Variants in PI4KA observed in about 807,000 individuals in gnomAD.
The protein encoded by PI4KA is phosphatidylinositol 4-kinase alpha.
PI4KA carries 122 observed loss-of-function variants against 271.4 expected under a neutral mutation model. The ratio of observed to expected loss-of-function variants is 0.45; its 90% CI spans 0.39 to 0.52. The LOEUF is 0.52. Among genes scored for constraint, PI4KA ranks in the 20% least tolerant of loss-of-function variants. The pLI, the probability that PI4KA is intolerant of heterozygous loss-of-function variation, is 0.00. For missense variants in PI4KA, 1,969 were observed against 2,769.1 expected (o/e 0.71, Z 6.48); for synonymous variants, 1,041 against 1,078.8 (o/e 0.96, Z 0.69).
chr22:20,825,412 T>G (rs747703793), intron 3 of PI4KA, among the ~76,000 whole-genome samples: 1 of 152,030 alleles, frequency 6.6e-6, no homozygotes, highest in Non-Finnish European at 1.5e-5. Flanking sequence ...CCAGCCAACA[T>G]GGCAAAATAC....
chr22:20,733,655 T>C (rs1481068075), intron 35 of PI4KA, 81 bp downstream of exon 35: 5 of 1,610,654 alleles, frequency 3.1e-6, no homozygotes, highest in Admixed American at 1.7e-5. Context: ...TGTGAGTGAC[T>C]TCCTGGGGGT....
chr22:20,840,116 A>G (rs1925369114), intron 1 of PI4KA, among the ~76,000 whole-genome samples: 1 of 152,224 alleles, frequency 6.6e-6, no homozygotes, highest in Admixed American at 6.5e-5. Context: ...CTGGCAGATG[A>G]AACTAATGTG....
At chr22:20,797,450 G>T (rs557613371) in intron 17 of PI4KA, among the ~76,000 whole-genome samples, 15 of 152,264 alleles carry the variant, frequency 9.9e-5, no homozygotes, top group African/African-American at 3.6e-4. Context: ...TAGGCGCAAG[G>T]AAGCAATGTG....
intron 27 of PI4KA, 72 bp from the exon 28 acceptor site, chr22:20,750,066 G>T: frequency 1.0e-6 from 1 of 972,440 alleles, no homozygotes; most frequent in South Asian, 1.3e-5. Flanking sequence ...GACTGTCATG[G>T]GCTGAACTAT....
intron 19 of PI4KA, among the ~76,000 whole-genome samples, chr22:20,783,775 G>A (rs556461286): frequency 2.6e-5 from 4 of 152,264 alleles, no homozygotes; most frequent in South Asian, 2.1e-4. Context: ...ATTCCAGTCC[G>A]GGTAACCTCT....
chr22:20,821,457 T>C (rs1922648789), intron 4 of PI4KA, among the ~76,000 whole-genome samples: 1 of 152,044 alleles, frequency 6.6e-6, no homozygotes, highest in African/African-American at 2.4e-5. Flanking sequence ...TGACCTCAGG[T>C]GATCCACCTG....
intron 19 of PI4KA, among the ~76,000 whole-genome samples, chr22:20,777,382 AT>A (rs1933388904): frequency 6.6e-6 from 1 of 151,800 alleles, no homozygotes; most frequent in African/African-American, 2.4e-5. Flanking sequence ...ACGCCGGCTA[AT>A]TTTTTTGTAT....
chr22:20,854,500 CTAGAG>C (rs998516178), intron 1 of PI4KA, among the ~76,000 whole-genome samples: 2 of 151,932 alleles, frequency 1.3e-5, no homozygotes, highest in African/African-American at 4.8e-5. Context: ...GAGTGAGTGA[CTAGAG>C]TAAGTAAACA....
At chr22:20,763,904 T>C (rs898549005) in intron 22 of PI4KA, among the ~76,000 whole-genome samples, 4 of 152,208 alleles carry the variant, frequency 2.6e-5, no homozygotes, top group Non-Finnish European at 5.9e-5. Flanking sequence ...TGCATTCCCA[T>C]GCAACCAAAG....
At chr22:20,745,891 C>T (rs1930000015) in intron 29 of PI4KA, among the ~76,000 whole-genome samples, 1 of 151,634 alleles carries the variant, frequency 6.6e-6, no homozygotes, top group African/African-American at 2.4e-5. Context: ...TCACTCCTCA[C>T]TGCCCAATGC....
chr22:20,716,021 C>T (rs946306892), intron 45 of PI4KA, among the ~76,000 whole-genome samples: 3 of 151,766 alleles, frequency 2.0e-5, no homozygotes, highest in Non-Finnish European at 4.4e-5. Context: ...TCCCAAGTAG[C>T]TGGGATTACA....
intron 3 of PI4KA, among the ~76,000 whole-genome samples, chr22:20,830,306 T>C (rs1923984923): frequency 6.6e-6 from 1 of 151,992 alleles, no homozygotes; most frequent in South Asian, 2.1e-4. Context: ...GCTTTATGAA[T>C]GTGGTTGCTT....
chr22:20,835,647 G>C (rs1352284691), intron 2 of PI4KA, among the ~76,000 whole-genome samples: 1 of 152,122 alleles, frequency 6.6e-6, no homozygotes, highest in African/African-American at 2.4e-5. Flanking sequence ...TGGGAGGATC[G>C]CTTGAGCATG....
At chr22:20,785,191 T>G (rs1934123184) in intron 19 of PI4KA, among the ~76,000 whole-genome samples, 1 of 150,994 alleles carries the variant, frequency 6.6e-6, no homozygotes, top group African/African-American at 2.4e-5. Context: ...CACCTCAGCC[T>G]CCTGAATAGT....
At chr22:20,797,462 TG>T (rs1203753378) in intron 17 of PI4KA, among the ~76,000 whole-genome samples, 4 of 152,064 alleles carry the variant, frequency 2.6e-5, no homozygotes, top group African/African-American at 9.7e-5. Flanking sequence ...AGCAATGTGT[TG>T]GCCTGTGTGC....
chr22:20,823,206 A>C (rs1922938754), intron 4 of PI4KA, among the ~76,000 whole-genome samples: 1 of 152,100 alleles, frequency 6.6e-6, no homozygotes. Context: ...GAGCCACCGC[A>C]CCCAGCCACT....
chr22:20,771,589 A>C (rs1171983360), intron 19 of PI4KA, among the ~76,000 whole-genome samples: 1 of 151,312 alleles, frequency 6.6e-6, no homozygotes, highest in Non-Finnish European at 1.5e-5. Context: ...TTATTTATTT[A>C]TTTATTTATT....
At chr22:20,835,030 A>T (rs1924680584) in intron 2 of PI4KA, among the ~76,000 whole-genome samples, 1 of 152,154 alleles carries the variant, frequency 6.6e-6, no homozygotes, top group African/African-American at 2.4e-5. Flanking sequence ...CCCATCCATG[A>T]GCCCCAGAAT....
At chr22:20,743,379 A>C (rs1929686312) in intron 30 of PI4KA, among the ~76,000 whole-genome samples, 1 of 152,036 alleles carries the variant, frequency 6.6e-6, no homozygotes, top group Non-Finnish European at 1.5e-5. Flanking sequence ...CCTGACCTCA[A>C]ATAATCCGCC....
Sources: allele counts gnomAD v4.1 joint callset (sites outside exome capture counted in the v4.1 genomes callset), GRCh38; gene constraint gnomAD v4.1.1; transcripts MANE v1.5; gene names NCBI Gene and HGNC (gene_info 2026-07-23, HGNC 2026-07-21).